The following SLC18A2 variants were observed in gnomAD, a reference collection of about 807,000 sequenced individuals.
SLC18A2 encodes the protein solute carrier family 18 member A2, also known as synaptic vesicular amine transporter.
A neutral mutation model predicts 59.2 loss-of-function variants in SLC18A2; 33 were observed. That is an observed-to-expected ratio of 0.56 (90% CI 0.42 to 0.75). SLC18A2 has a LOEUF of 0.75. Ranked by LOEUF, SLC18A2 falls within the 30% of genes least tolerant of loss-of-function variation. SLC18A2 has a pLI of 0.00. For missense variants in SLC18A2, 569 were observed against 668.6 expected (o/e 0.85, Z 1.64); for synonymous variants, 228 against 253.5 (o/e 0.90, Z 0.95).
chr10:117,257,747 A>G, intron 9 of SLC18A2, 50 bp from the exon 10 acceptor site: 1 of 1,263,116 alleles, frequency 7.9e-7, no homozygotes, highest in Non-Finnish European at 1.1e-6. Context: ...CTGTGCCTGG[A>G]AATGAGAGAG....
intron 13 of SLC18A2, chr10:117,268,425 T>C (rs571276780): frequency 1.3e-5 from 2 of 152,488 alleles, no homozygotes; most frequent in East Asian, 1.9e-4. Flanking sequence ...TATGGTACTC[T>C]AGGTCCTTCT....
intron 10 of SLC18A2, among the ~76,000 whole-genome samples, chr10:117,264,335 G>T (rs1355880232): frequency 6.6e-6 from 1 of 152,248 alleles, no homozygotes; most frequent in Admixed American, 6.5e-5. Flanking sequence ...GCTGAGGCTG[G>T]GTGCGTGGCT....
intron 9 of SLC18A2, 131 bp from the exon 10 acceptor site, chr10:117,257,666 T>C: frequency 2.1e-6 from 1 of 482,180 alleles, no homozygotes. Context: ...GTCCCCTTGA[T>C]ATGCGATTTA....
At position 117,244,007 on chromosome 10, in the gene SLC18A2, A is replaced by G. The variant is rs1422205573; in HGVS notation, c.158A>G (p.His53Arg). Residue 53 changes from histidine (H) to arginine (R), a missense_variant, in exon 3 of 16, where the codon CAT (histidine) becomes CGT (arginine). Physicochemically the swap from His to Arg is conservative, Grantham distance 29. Around this residue, in one of 2 missense-constraint regions of SLC18A2, gnomAD observed 377 missense variants for 389.8 expected, o/e 0.97. Transcript: ENST00000644641. ...CCAAGTTATCTGTACAGCATTAAGCATGAGAAGAATGCTACAGAAATCCAG... is the reference window on the plus strand; with the variant it reads ...CCAAGTTATCTGTACAGCATTAAGCGTGAGAAGAATGCTACAGAAATCCAG... ...IIPSYLYSIKHEKNATEIQTA... is the reference protein window; with the variant it reads ...IIPSYLYSIKREKNATEIQTA... 1 of 1,614,158 alleles carries G rather than the reference A, an allele frequency of 6.2e-7. No individual in the cohort carries two copies. The highest frequency in any genetic ancestry group is 8.5e-7 in the Non-Finnish European group (1 of 1,180,032).
chr10:117,250,997 G>A (rs1199348254), intron 3 of SLC18A2, among the ~76,000 whole-genome samples: 1 of 152,188 alleles, frequency 6.6e-6, no homozygotes, highest in Non-Finnish European at 1.5e-5. Context: ...CAGTGTTTCT[G>A]CCTACAGTCT....
Position 117,266,744 on chromosome 10 carries a change from T to C in SLC18A2, c.1003T>C (p.Leu335=). The change falls in exon 11 of 16, where the codon TTG becomes CTG. Residue 335 remains leucine, a synonymous_variant. Coordinates refer to ENST00000644641, the MANE Select transcript of SLC18A2 (RefSeq NM_003054.6). The part of the protein sequence containing the change: ...SRKWQLGVAF[L]PASISYLIGT... ...TCATAAATTTACAGGCGTTGCCTTC[T>C]TGCCAGCTAGTATCTCTTATCTCAT... The C allele has an allele frequency of 1.2e-6, 2 of 1,613,680 alleles. No homozygotes were observed. The highest frequency in any genetic ancestry group is 1.7e-6 in the Non-Finnish European group (2 of 1,179,778).
Position 117,262,446 on chromosome 10 carries a change from C to T in SLC18A2, c.992-4287C>T, listed in dbSNP as rs372026456. On this transcript the variant is annotated intron_variant, in intron 10 of 15. Coordinates refer to ENST00000644641, the MANE Select transcript of SLC18A2 (RefSeq NM_003054.6). ...GGAGGGGTGGACTTGGATCTGACAC[C>T]GAGTCAGCAAACAGCAGATGAGAAG... Among the ~76,000 whole-genome samples, 8 of 152,230 alleles carry T rather than the reference C, an allele frequency of 5.3e-5. No individual in the cohort carries two copies. The South Asian group carries it at 6.2e-4, about 12-fold the overall frequency.
Sources: allele counts gnomAD v4.1 joint callset (sites outside exome capture counted in the v4.1 genomes callset), GRCh38; gene constraint gnomAD v4.1.1; regional missense constraint gnomAD v4.1.1; transcripts MANE v1.5; gene names NCBI Gene and HGNC (gene_info 2026-07-23, HGNC 2026-07-21).